The following CREM variants were observed in gnomAD, a reference collection of about 807,000 sequenced individuals.
CREM encodes cAMP responsive element modulator.
Under a neutral mutation model 37.3 loss-of-function variants are expected in CREM, and 13 were observed. The observed-to-expected ratio is 0.35, with a 90% confidence interval of 0.23 to 0.55. The LOEUF (loss-of-function observed/expected upper bound fraction) is 0.55. Ranked by LOEUF, CREM falls within the 20% of genes least tolerant of loss-of-function variation. The probability of loss-of-function intolerance (pLI) is 0.88; values close to 1 mark genes in which losing one functional copy is unlikely to be tolerated. For missense variants in CREM, 296 were observed against 362.3 expected (o/e 0.82, Z 1.49); for synonymous variants, 124 against 120.2 (o/e 1.03, Z -0.21).
intron 1 of CREM, among the ~76,000 whole-genome samples, chr10:35,130,443 C>T (rs1255063650): frequency 1.3e-5 from 2 of 151,944 alleles, no homozygotes; most frequent in Non-Finnish European, 1.5e-5. Flanking sequence ...AAGAAGAAAA[C>T]CTAAGGATAT....
At chr10:35,183,272 T>C (rs1352078488) in intron 5 of CREM, among the ~76,000 whole-genome samples, 2 of 152,136 alleles carry the variant, frequency 1.3e-5, no homozygotes, top group Admixed American at 1.3e-4. Flanking sequence ...AAGAAAAATA[T>C]GAACTTTGTG....
chr10:35,211,174 G>A (rs1034145291), intron 7 of CREM, 80 bp from the exon 8 acceptor site: 12 of 1,498,096 alleles, frequency 8.0e-6, no homozygotes, highest in Middle Eastern at 2.3e-4. Flanking sequence ...TGTTGAGTTC[G>A]GGGGGCAGAA....
rs939648720 is a variant in CREM, at chr10:35,180,983, C to T, written c.409+1707C>T. On this transcript the variant is annotated intron_variant, in intron 5 of 7. Transcript: ENST00000685392. ...CTGCTGAAATGACACTAAGACTTCTCAAAGTGTTGGGAACCACTAAGATGC... is the reference window on the plus strand; with the variant it reads ...CTGCTGAAATGACACTAAGACTTCTTAAAGTGTTGGGAACCACTAAGATGC... Among the ~76,000 whole-genome samples, 3 of 152,240 alleles carry T rather than the reference C, an allele frequency of 2.0e-5. No individual in the cohort carries two copies. The East Asian group carries it at 5.8e-4, about 29-fold the overall frequency.
Position 35,145,659 on chromosome 10 carries a change from A to T in CREM, c.45-2709A>T, listed in dbSNP as rs570194629. Among the ~76,000 whole-genome samples the T allele has an allele frequency of 2.0e-5, 3 of 151,582 alleles. No individual in the cohort carries two copies. The East Asian group carries it at 5.8e-4, about 29-fold the overall frequency. On this transcript the variant is annotated intron_variant, in intron 2 of 7. Transcript: ENST00000685392. ...CTGGGCATGGGGGCATGCGTCAGTA[A>T]TCCCAGCTACGTGGGAGGCTAAGGC...
At chr10:35,154,167 G>T in intron 3 of CREM, 1 of 398,346 alleles carries the variant, frequency 2.5e-6, no homozygotes, top group South Asian at 1.3e-4. Context: ...TGTCATGTGC[G>T]AGTTGTAAAT....
chr10:35,153,128 CAGCT>C (rs2092694780), intron 3 of CREM, among the ~76,000 whole-genome samples: 3 of 152,076 alleles, frequency 2.0e-5, no homozygotes, highest in African/African-American at 7.2e-5. Flanking sequence ...CTTGTAGTCC[CAGCT>C]ACTTGGGAGA....
At chr10:35,169,627 CTG>C (rs1435396475) in intron 3 of CREM, among the ~76,000 whole-genome samples, 1 of 151,802 alleles carries the variant, frequency 6.6e-6, no homozygotes, top group Non-Finnish European at 1.5e-5. Context: ...ACTGCCAACA[CTG>C]TTGAATAGGA....
chr10:35,194,988 G>A, intron 6 of CREM: 1 of 421,320 alleles, frequency 2.4e-6, no homozygotes, highest in African/African-American at 2.1e-5. Flanking sequence ...GCATTAAGAT[G>A]GTTTATTACA....
intron 2 of CREM, among the ~76,000 whole-genome samples, chr10:35,139,899 A>G (rs1317311053): frequency 1.3e-5 from 2 of 152,144 alleles, no homozygotes; most frequent in African/African-American, 4.8e-5. Context: ...GGGGTCCTGC[A>G]TTTCTGCTGA....
chr10:35,202,692 C>G (rs73262805), intron 6 of CREM, among the ~76,000 whole-genome samples: 4,643 of 152,254 alleles, frequency 0.03, 240 homozygotes, highest in African/African-American at 0.11. Flanking sequence ...CAAATTCCTA[C>G]TAATTTATAC....
In CREM at chr10:35,212,233, T is replaced by C. The variant is rs1006840061; in HGVS notation, c.*835T>C. On this transcript the variant is annotated 3_prime_UTR_variant, in exon 8 of 8. Transcript: ENST00000685392. ...TAGAAAGAAAGTCTATCTAATGACA[T>C]GCCTATATGAGAAGAATAGCCTAGA... is the stretch of plus-strand genomic sequence containing the variant. The C allele has an allele frequency of 6.5e-6, 1 of 153,594 alleles. No homozygotes were observed. Among genetic ancestry groups the C allele is most frequent in the South Asian group, 2.1e-4 (1 of 4,856 alleles). 9.5% of individuals were successfully genotyped at this position (153,594 alleles called of 1,614,324 possible). A position where few individuals can be genotyped will look rare whatever the true frequency, so the allele number is the denominator to read the frequency against.
intron 1 of CREM, among the ~76,000 whole-genome samples, chr10:35,133,650 C>T (rs1435124166): frequency 6.6e-6 from 1 of 152,218 alleles, no homozygotes; most frequent in East Asian, 1.9e-4. Flanking sequence ...TATTGTCTTT[C>T]CAAAGCATTC....
chr10:35,164,944 C>T (rs1011095362), intron 3 of CREM, among the ~76,000 whole-genome samples: 8 of 150,324 alleles, frequency 5.3e-5, no homozygotes, highest in South Asian at 2.1e-4. Flanking sequence ...CCAGCTACGC[C>T]GGAGGCTGAG....
intron 2 of CREM, among the ~76,000 whole-genome samples, chr10:35,146,184 C>T (rs962729129): frequency 6.6e-6 from 1 of 152,182 alleles, no homozygotes; most frequent in Non-Finnish European, 1.5e-5. Flanking sequence ...AGTTGAGACC[C>T]AAGTTGTTGC....
At chr10:35,131,757 T>G (rs2089422555) in intron 1 of CREM, among the ~76,000 whole-genome samples, 3 of 152,238 alleles carry the variant, frequency 2.0e-5, no homozygotes, top group African/African-American at 4.8e-5. Context: ...TTATCTCCTT[T>G]GTCAGATTTA....
intron 5 of CREM, among the ~76,000 whole-genome samples, chr10:35,184,841 A>G (rs1018617252): frequency 1.1e-4 from 17 of 152,146 alleles, no homozygotes; most frequent in African/African-American, 4.1e-4. Flanking sequence ...TTATCTACCT[A>G]TTTAGGGGTT....
chr10:35,188,160 T>G, intron 5 of CREM, 40 bp from the exon 6 acceptor site: 1 of 1,556,292 alleles, frequency 6.4e-7, no homozygotes, highest in Non-Finnish European at 8.7e-7. Flanking sequence ...TAAAAATAAA[T>G]CTTGAAATTC....
intron 1 of CREM, among the ~76,000 whole-genome samples, chr10:35,131,935 G>A (rs1050034808): frequency 6.6e-6 from 1 of 152,146 alleles, no homozygotes; most frequent in Non-Finnish European, 1.5e-5. Context: ...TTTCACATTG[G>A]CCGGGTGCGG....
At chr10:35,166,529 C>G (rs1328305914) in intron 3 of CREM, among the ~76,000 whole-genome samples, 1 of 150,830 alleles carries the variant, frequency 6.6e-6, no homozygotes, top group Non-Finnish European at 1.5e-5. Context: ...CACGCCACTT[C>G]CCTCCAGCCT....
Sources: gnomAD v4.1 joint callset for allele counts (sites outside exome capture counted in the v4.1 genomes callset) on GRCh38, gnomAD v4.1.1 for gene constraint, MANE v1.5 for transcripts, NCBI Gene and HGNC (gene_info 2026-07-23, HGNC 2026-07-21) for gene names.